The following SHROOM4 variants were observed in gnomAD, a reference collection of about 807,000 sequenced individuals.
The protein encoded by SHROOM4 is shroom family member 4.
In SHROOM4, 17 loss-of-function variants were observed where a neutral mutation model predicts 80.3. The observed-to-expected ratio is 0.21, with a 90% CI of 0.14 to 0.32. The LOEUF is 0.32. Among genes scored for constraint, SHROOM4 ranks in the 10% least tolerant of loss-of-function variants. SHROOM4 has a pLI of 1.00. For missense variants in SHROOM4, 993 were observed against 1,140.3 expected, an observed-to-expected ratio of 0.87 and a Z score of 1.86; for synonymous variants, 400 against 437.5, an observed-to-expected ratio of 0.91 and a Z score of 1.07.
At chrX:50,712,632 T>A (rs781802344) in intron 1 of SHROOM4, among the ~76,000 whole-genome samples, 24 of 111,775 alleles carry the variant, frequency 2.1e-4, no homozygotes, top group African/African-American at 7.8e-4. Context: ...AGCAAGAGAT[T>A]AAAGCTGGAG....
Position 50,607,542 on chromosome X carries a change from A to G in SHROOM4, c.3600T>C (p.Ser1200=). The G allele has an allele frequency of 8.3e-7, 1 of 1,211,331 alleles. No homozygotes were observed. The highest frequency in any genetic ancestry group is 1.1e-6 in the Non-Finnish European group (1 of 895,415). Residue 1200 remains serine, a synonymous_variant, in exon 6 of 9, where the codon AGT becomes AGC. Coordinates refer to ENST00000376020, the MANE Select transcript of SHROOM4 (RefSeq NM_020717.5). ...CAAAGGATTCTTGCTCTGCTGGGACACTTTGTGAACCCTGTCTCGAGCCCT... is the reference window on the plus strand; with the variant it reads ...CAAAGGATTCTTGCTCTGCTGGGACGCTTTGTGAACCCTGTCTCGAGCCCT... The part of the protein sequence containing the change: ...HLEGSRQGSQ[S]VPAEQESFAL...
chrX:50,664,046 A>G (rs1932607304), intron 2 of SHROOM4, among the ~76,000 whole-genome samples: 1 of 112,474 alleles, frequency 8.9e-6, no homozygotes, highest in African/African-American at 3.2e-5. Flanking sequence ...CTCAAATGCC[A>G]TATTAAGAAC....
At chrX:50,809,297 C>T (rs1936287528) in intron 1 of SHROOM4, among the ~76,000 whole-genome samples, 2 of 112,148 alleles carry the variant, frequency 1.8e-5, no homozygotes, top group Non-Finnish European at 3.8e-5. Flanking sequence ...TTCAAAATCA[C>T]AGCCAAATTT....
intron 2 of SHROOM4, among the ~76,000 whole-genome samples, chrX:50,689,889 T>G (rs1393215622): frequency 8.9e-6 from 1 of 112,232 alleles, no homozygotes; most frequent in Non-Finnish European, 1.9e-5. Flanking sequence ...ATTCACAAAT[T>G]GGATAGAATA....
chrX:50,654,156 G>C (rs1932220299), intron 2 of SHROOM4, among the ~76,000 whole-genome samples: 1 of 111,678 alleles, frequency 9.0e-6, no homozygotes, highest in African/African-American at 3.3e-5. Flanking sequence ...GGACAGGAAT[G>C]TTCTTCTTTA....
At chrX:50,713,407 G>A (rs782361703) in intron 1 of SHROOM4, among the ~76,000 whole-genome samples, 2 of 110,969 alleles carry the variant, frequency 1.8e-5, no homozygotes, top group Non-Finnish European at 3.8e-5. Context: ...TAGGTGGGGG[G>A]ATTGCTTGAG....
Position 50,591,670 on chromosome X carries a change from T to C in SHROOM4, c.*5025A>G, listed in dbSNP as rs1928879956. 1 of 272,288 alleles carries C rather than the reference T, an allele frequency of 3.7e-6. No homozygotes were observed. The highest frequency in any genetic ancestry group is 6.5e-6 in the Non-Finnish European group (1 of 154,380). 22.4% of individuals were successfully genotyped at this position (272,288 alleles called of 1,213,427 possible). A position where few individuals can be genotyped will look rare whatever the true frequency, so the allele number is the denominator to read the frequency against. On this transcript the variant is annotated 3_prime_UTR_variant, in exon 9 of 9. Coordinates refer to ENST00000376020, the MANE Select transcript of SHROOM4 (RefSeq NM_020717.5). ...TTGATGCTATTGTAAATGGAACTGT[T>C]TTCTTTCTTTCTTTCTTTCTTTCTT...
intron 1 of SHROOM4, among the ~76,000 whole-genome samples, chrX:50,697,417 T>C (rs1933400406): frequency 9.0e-6 from 1 of 111,626 alleles, no homozygotes; most frequent in Non-Finnish European, 1.9e-5. Flanking sequence ...AGTTATAATA[T>C]TGTTGAGCTT....
intron 1 of SHROOM4, among the ~76,000 whole-genome samples, chrX:50,710,579 G>A (rs1379598446): frequency 9.0e-6 from 1 of 111,382 alleles, no homozygotes; most frequent in Non-Finnish European, 1.9e-5. Context: ...GTACCTAGGT[G>A]ACGGGATCAA....
At chrX:50,777,973 T>C (rs782149423) in intron 1 of SHROOM4, among the ~76,000 whole-genome samples, 3 of 111,991 alleles carry the variant, frequency 2.7e-5, no homozygotes, top group African/African-American at 6.5e-5. Flanking sequence ...TTTTTGGTGT[T>C]CTGTAGTAAT....
At chrX:50,711,207 GA>G (rs1394985219) in intron 1 of SHROOM4, among the ~76,000 whole-genome samples, 1 of 112,198 alleles carries the variant, frequency 8.9e-6, no homozygotes, top group Non-Finnish European at 1.9e-5. Context: ...GCTTCCAGGT[GA>G]AACTTATCAA....
At chrX:50,577,155 T>G in the SHROOM4 span, among the ~76,000 whole-genome samples, 7 of 112,577 alleles carry the variant, frequency 6.2e-5, no homozygotes, top group East Asian at 2.0e-3. Context: ...TGTCTGAGAA[T>G]GTCTTGATTT....
intron 1 of SHROOM4, among the ~76,000 whole-genome samples, chrX:50,802,012 C>T (rs1428437344): frequency 2.6e-4 from 29 of 111,577 alleles, no homozygotes; most frequent in African/African-American, 8.2e-4. Flanking sequence ...TGTAGAAAAT[C>T]GGGTGATGTT....
intron 2 of SHROOM4, among the ~76,000 whole-genome samples, chrX:50,656,187 T>C (rs956518551): frequency 1.8e-5 from 2 of 111,896 alleles, no homozygotes; most frequent in Non-Finnish European, 3.8e-5. Context: ...TTTGCAAATA[T>C]TTTCTCCAAT....
intron 1 of SHROOM4, among the ~76,000 whole-genome samples, chrX:50,738,878 T>A (rs1344215869): frequency 3.6e-5 from 4 of 111,420 alleles, no homozygotes; most frequent in African/African-American, 1.3e-4. Flanking sequence ...GCCAAGTCAA[T>A]CCTAAGCCAA....
chrX:50,737,491 T>C (rs1171816632), intron 1 of SHROOM4, among the ~76,000 whole-genome samples: 3 of 111,303 alleles, frequency 2.7e-5, no homozygotes, highest in South Asian at 3.7e-4. Flanking sequence ...ACAAACAGAT[T>C]GGAAGTTTAA....
chrX:50,660,860 T>C (rs180832116), intron 2 of SHROOM4, among the ~76,000 whole-genome samples: 1 of 109,670 alleles, frequency 9.1e-6, no homozygotes, highest in East Asian at 2.9e-4. Context: ...CAAGCAATCC[T>C]CCTGCTTTGG....
intron 1 of SHROOM4, among the ~76,000 whole-genome samples, chrX:50,758,413 T>G (rs1211420462): frequency 1.8e-5 from 2 of 112,186 alleles, no homozygotes; most frequent in African/African-American, 6.5e-5. Context: ...TTGAGGGTTT[T>G]TGTCATGAAA....
intron 1 of SHROOM4, among the ~76,000 whole-genome samples, chrX:50,765,950 T>C (rs1482705892): frequency 8.9e-6 from 1 of 112,055 alleles, no homozygotes; most frequent in Non-Finnish European, 1.9e-5. Flanking sequence ...TTTATTTCCC[T>C]TTCTACTACC....
Sources: gnomAD v4.1 joint callset for allele counts (sites outside exome capture counted in the v4.1 genomes callset) on GRCh38, gnomAD v4.1.1 for gene constraint, MANE v1.5 for transcripts, NCBI Gene and HGNC (gene_info 2026-07-23, HGNC 2026-07-21) for gene names.